The following TLL2 variants were observed in gnomAD, a reference collection of about 807,000 sequenced individuals.
The protein encoded by TLL2 is tolloid like 2, also known as tolloid-like protein 2.
A neutral mutation model predicts 123.0 loss-of-function variants in TLL2; 106 were observed. That is an observed-to-expected ratio of 0.86 (90% CI 0.74 to 1.01). The LOEUF is 1.01. TLL2 is among the 50% of genes least tolerant of loss of function. TLL2 has a pLI of 0.00. For missense variants in TLL2, 1,332 were observed against 1,336.7 expected (o/e 1.00, Z 0.06); for synonymous variants, 494 against 516.8 (o/e 0.96, Z 0.60).
At chr10:96,484,850 C>T (rs1847343094) in intron 1 of TLL2, among the ~76,000 whole-genome samples, 1 of 152,196 alleles carries the variant, frequency 6.6e-6, no homozygotes, top group Non-Finnish European at 1.5e-5. Flanking sequence ...CCTCATGCTT[C>T]TCCCTGTTCT....
At chr10:96,477,775 C>T (rs906751800) in intron 2 of TLL2, among the ~76,000 whole-genome samples, 4 of 152,180 alleles carry the variant, frequency 2.6e-5, no homozygotes, top group South Asian at 2.1e-4. Context: ...CCTGTGACCA[C>T]GGTCAGCACT....
intron 2 of TLL2, among the ~76,000 whole-genome samples, chr10:96,476,240 A>ATATATATTCTTT: frequency 4.9e-5 from 1 of 20,500 alleles, no homozygotes; most frequent in African/African-American, 1.7e-4. Flanking sequence ...ATATATATAT[A>ATATATATTCTTT]TTTTATTTTT....
chr10:96,445,540 C>A (rs564704534), intron 3 of TLL2, among the ~76,000 whole-genome samples: 1 of 152,328 alleles, frequency 6.6e-6, no homozygotes, highest in Admixed American at 6.5e-5. Flanking sequence ...ACACCTCCCC[C>A]ACAATCCCCA....
intron 2 of TLL2, among the ~76,000 whole-genome samples, chr10:96,476,422 G>A (rs532214444): frequency 2.0e-4 from 30 of 150,326 alleles, no homozygotes; most frequent in Non-Finnish European, 3.4e-4. Flanking sequence ...CACCATGCCC[G>A]GCTAATTTTT....
chr10:96,414,109 C>A (rs959275148), intron 7 of TLL2, among the ~76,000 whole-genome samples: 1 of 152,174 alleles, frequency 6.6e-6, no homozygotes, highest in Non-Finnish European at 1.5e-5. Context: ...CAGCTGAGCG[C>A]TGGCCCTGTT....
intron 13 of TLL2, among the ~76,000 whole-genome samples, chr10:96,392,051 C>T (rs1025183225): frequency 1.4e-4 from 21 of 152,248 alleles, no homozygotes; most frequent in African/African-American, 4.3e-4. Flanking sequence ...ATCTCCTTCA[C>T]CACCATGAGC....
chr10:96,477,613 G>A (rs1354374525), intron 2 of TLL2, among the ~76,000 whole-genome samples: 1 of 152,182 alleles, frequency 6.6e-6, no homozygotes, highest in Non-Finnish European at 1.5e-5. Flanking sequence ...CATTTGTTAT[G>A]TGCCAGGCAC....
rs1386192157 is a variant in TLL2, at chr10:96,387,072, T to C, written c.1733A>G (p.Asp578Gly). 9.3e-6 allele frequency: 15 copies of C among 1,613,316 alleles called. No homozygotes were observed. Among genetic ancestry groups the C allele is most frequent in the Non-Finnish European group, 1.3e-5 (15 of 1,179,350 alleles). Residue 578 changes from aspartate to glycine, a missense_variant, in exon 14 of 21, where the codon GAT becomes GGT. Physicochemically the swap from Asp to Gly is moderately conservative, Grantham distance 94. Coordinates refer to ENST00000357947, the MANE Select transcript of TLL2 (RefSeq NM_012465.4). The stretch of plus-strand genomic sequence containing the variant: ...GCCGTGATCTGGCCAGGAACACTCA[T>C]CCACCTCTGGTGGGGAAGGAAGGTG... The part of the protein sequence containing the change: ...GFAANFFKEV[D>G]ECSWPDHGGC...
chr10:96,486,096 A>G (rs947553911), intron 1 of TLL2, among the ~76,000 whole-genome samples: 38 of 152,346 alleles, frequency 2.5e-4, no homozygotes, highest in African/African-American at 8.9e-4. Flanking sequence ...TTGAAAAGCT[A>G]CATATCCCTT....
chr10:96,429,079 AT>A (rs1256083358), intron 4 of TLL2, among the ~76,000 whole-genome samples: 5 of 152,114 alleles, frequency 3.3e-5, no homozygotes, highest in Non-Finnish European at 7.4e-5. Flanking sequence ...CTGGGATTAC[AT>A]GCATGAGCCA....
intron 15 of TLL2, among the ~76,000 whole-genome samples, chr10:96,385,380 C>G (rs1229825812): frequency 6.6e-6 from 1 of 152,198 alleles, no homozygotes; most frequent in Non-Finnish European, 1.5e-5. Flanking sequence ...GCACAATATT[C>G]ACTTTGGGGT....
intron 12 of TLL2, 101 bp downstream of exon 12, chr10:96,395,774 G>A (rs1482951793): frequency 1.7e-5 from 25 of 1,465,672 alleles, no homozygotes; most frequent in East Asian, 2.3e-5. Flanking sequence ...AGCCTCTTAG[G>A]TTCCTGTTTT....
chr10:96,407,636 C>A (rs1183775160), intron 9 of TLL2, among the ~76,000 whole-genome samples: 1 of 152,246 alleles, frequency 6.6e-6, no homozygotes, highest in Admixed American at 6.5e-5. Flanking sequence ...ACACTAACCA[C>A]ACCTCGCAAG....
intron 2 of TLL2, 123 bp downstream of exon 2, chr10:96,480,226 T>C (rs1374552384): frequency 2.5e-6 from 2 of 791,452 alleles, no homozygotes; most frequent in Admixed American, 2.3e-5. Flanking sequence ...CCTCTGATTT[T>C]CCACAAATAG....
In TLL2 at chr10:96,424,080, A is replaced by T. The variant is rs375948850; in HGVS notation, c.639-1353T>A. On this transcript the variant is annotated intron_variant, in intron 5 of 20. Transcript: ENST00000357947. ...AGAAAGACAAACATCATATGTTCTC[A>T]CTTATTTGTGGTAGCTAAAAATTAA... Among the ~76,000 whole-genome samples, 8 of 152,302 alleles carry T rather than the reference A, an allele frequency of 5.3e-5. No individual in the cohort carries two copies. The East Asian group carries it at 1.3e-3, about 26-fold the overall frequency.
At chr10:96,400,869 C>T (rs1846386571) in intron 10 of TLL2, among the ~76,000 whole-genome samples, 2 of 152,232 alleles carry the variant, frequency 1.3e-5, no homozygotes, top group Admixed American at 1.3e-4. Flanking sequence ...ACTTCCTCCC[C>T]TCTTTAGGTG....
intron 1 of TLL2, among the ~76,000 whole-genome samples, chr10:96,502,759 T>C (rs10882806): frequency 0.95 from 144,818 of 152,138 alleles, 69,177 homozygotes; most frequent in Middle Eastern, 1. Context: ...GAAGCCAGCT[T>C]ACAGGACTCA....
In TLL2 at chr10:96,425,258, T is replaced by TC. The variant is rs1846668035; in HGVS notation, c.639-2532_639-2531insG. 3.0e-5 allele frequency among the ~76,000 whole-genome samples: 4 copies of TC among 131,780 alleles called. No homozygotes were observed. The South Asian group carries it at 7.1e-4, about 23-fold the overall frequency. The allele number at this position is 131,780 out of a possible 152,430, so 86.5% of individuals were successfully genotyped here. A position where few individuals can be genotyped will look rare whatever the true frequency, so the allele number is the denominator to read the frequency against. Reference sequence around the variant, plus strand: ...AGATAGCTACCTCTGTCATTACTGTTTTCTCTCTCTCTCTCTCTCTCTCTC... The same window carrying TC: ...AGATAGCTACCTCTGTCATTACTGTTCTTCTCTCTCTCTCTCTCTCTCTCTC... On this transcript the variant is annotated intron_variant, in intron 5 of 20. Transcript: ENST00000357947.
chr10:96,438,443 C>CAATATAGAA, intron 3 of TLL2, among the ~76,000 whole-genome samples: 1 of 152,202 alleles, frequency 6.6e-6, no homozygotes, highest in Admixed American at 6.5e-5. Flanking sequence ...AAATGTGAGC[C>CAATATAGAA]ATTATAGAAT....
Sources: allele counts gnomAD v4.1 joint callset (sites outside exome capture counted in the v4.1 genomes callset), GRCh38; gene constraint gnomAD v4.1.1; transcripts MANE v1.5; gene names NCBI Gene and HGNC (gene_info 2026-07-23, HGNC 2026-07-21).